Variants in PTBP3 observed in about 807,000 individuals in gnomAD.
PTBP3 encodes polypyrimidine tract binding protein 3.
In PTBP3, 20 loss-of-function variants were observed where a neutral mutation model predicts 58.7. The ratio of observed to expected loss-of-function variants is 0.34; its 90% confidence interval spans 0.24 to 0.50. The LOEUF (loss-of-function observed/expected upper bound fraction) is 0.50. PTBP3 is among the 20% of genes least tolerant of loss of function. The probability of loss-of-function intolerance (pLI) is 0.98; values close to 1 mark genes in which losing one functional copy is unlikely to be tolerated. For missense variants in PTBP3, 509 were observed against 637.2 expected (o/e 0.80, Z 2.17); for synonymous variants, 185 against 219.8 (o/e 0.84, Z 1.40).
At chr9:112,359,409 G>T in the PTBP3 span, among the ~76,000 whole-genome samples, 1 of 152,122 alleles carries the variant, frequency 6.6e-6, no homozygotes, top group Admixed American at 6.5e-5. Context: ...TCGCGCCACT[G>T]CACTCCAGCC....
the PTBP3 span, among the ~76,000 whole-genome samples, chr9:112,343,245 G>A: frequency 7.4e-5 from 11 of 148,014 alleles, no homozygotes; most frequent in Middle Eastern, 3.5e-3. Flanking sequence ...TTTCGCTCTC[G>A]TCACCCAGGC....
intron 1 of PTBP3, among the ~76,000 whole-genome samples, chr9:112,307,878 G>A (rs551250289): frequency 2.6e-5 from 4 of 152,246 alleles, no homozygotes; most frequent in South Asian, 2.1e-4. Flanking sequence ...GGCCACATGC[G>A]GCACAGGATG....
chr9:112,310,858 G>C (rs1829445446), intron 1 of PTBP3, among the ~76,000 whole-genome samples: 1 of 152,214 alleles, frequency 6.6e-6, no homozygotes, highest in South Asian at 2.1e-4. Context: ...GTTGTAGGTA[G>C]AGGAAACAAA....
intron 7 of PTBP3, among the ~76,000 whole-genome samples, chr9:112,246,272 C>T (rs187624082): frequency 2.0e-5 from 3 of 151,946 alleles, no homozygotes; most frequent in African/African-American, 4.8e-5. Context: ...TGTAAGCCAC[C>T]GCACCCAGCC....
the PTBP3 span, among the ~76,000 whole-genome samples, chr9:112,361,224 G>A: frequency 6.6e-6 from 1 of 152,080 alleles, no homozygotes; most frequent in Admixed American, 6.6e-5. Context: ...AGCCTCCCAA[G>A]TAGCTGGGAT....
the PTBP3 span, among the ~76,000 whole-genome samples, chr9:112,360,798 C>T: frequency 7.2e-5 from 11 of 151,852 alleles, 1 homozygote; most frequent in Non-Finnish European, 1.6e-4. Flanking sequence ...TTTAACAAGG[C>T]AGACAAGATT....
chr9:112,307,669 T>G (rs767206126), intron 1 of PTBP3, among the ~76,000 whole-genome samples: 1 of 152,208 alleles, frequency 6.6e-6, no homozygotes, highest in Admixed American at 6.5e-5. Context: ...AAAATAATTC[T>G]GATAACCACA....
intron 7 of PTBP3, among the ~76,000 whole-genome samples, chr9:112,248,778 T>TTAGAAAACTTCTTAGAG (rs1245217660): frequency 5.9e-5 from 9 of 152,228 alleles, no homozygotes; most frequent in Admixed American, 2.0e-4. Context: ...ATTCCTTTCC[T>TTAGAAAACTTCTTAGAG]ATGTACTTCT....
intron 4 of PTBP3, among the ~76,000 whole-genome samples, chr9:112,266,976 T>C (rs543796530): frequency 2.0e-5 from 3 of 152,298 alleles, no homozygotes; most frequent in East Asian, 1.9e-4. Context: ...GCCATTAATA[T>C]TGCCTAAAAT....
At chr9:112,363,436 A>G in the PTBP3 span, among the ~76,000 whole-genome samples, 1 of 149,818 alleles carries the variant, frequency 6.7e-6, no homozygotes, top group African/African-American at 2.4e-5. Flanking sequence ...GGCCGACTGC[A>G]TGAGCCCAGG....
chr9:112,323,794 C>T (rs1830044341), intron 1 of PTBP3, among the ~76,000 whole-genome samples: 1 of 152,106 alleles, frequency 6.6e-6, no homozygotes, highest in African/African-American at 2.4e-5. Flanking sequence ...ACAGAAGTAA[C>T]TGAAATATTT....
At chr9:112,250,836 G>C (rs958696188) in intron 7 of PTBP3, 93 bp downstream of exon 7, 59 of 1,200,290 alleles carry the variant, frequency 4.9e-5, no homozygotes, top group Non-Finnish European at 5.6e-5. Flanking sequence ...GAGAGAACTC[G>C]AGAAGAAAAA....
intron 1 of PTBP3, among the ~76,000 whole-genome samples, chr9:112,312,271 C>T (rs1829511256): frequency 6.6e-6 from 1 of 151,918 alleles, no homozygotes; most frequent in Admixed American, 6.6e-5. Context: ...TCACTTAAGG[C>T]CACGAGTTCG....
the PTBP3 span, among the ~76,000 whole-genome samples, chr9:112,367,883 G>A: frequency 6.6e-6 from 1 of 151,892 alleles, no homozygotes; most frequent in Admixed American, 6.6e-5. Context: ...TAAGTTTTCT[G>A]CCCCCTTCTC....
At chr9:112,312,249 AAG>A (rs1317764508) in intron 1 of PTBP3, among the ~76,000 whole-genome samples, 1 of 152,102 alleles carries the variant, frequency 6.6e-6, no homozygotes, top group African/African-American at 2.4e-5. Context: ...TGGGGAAGCT[AAG>A]GCAGGAGGAT....
chr9:112,251,020 A>G lies in PTBP3; in HGVS notation c.711T>C (p.Tyr237=), dbSNP rs761385910. The part of the protein sequence containing the change: ...FSKLTSLNVK[Y]NNDKSRDFTR... ...TGAAGTCTCTGCTTTTGTCATTATT[A>G]TATTTCACATTAAGGCTGGTGAGCT... The change falls in exon 7 of 14, where the codon TAT becomes TAC. Residue 237 remains tyrosine (Y), a synonymous_variant. Coordinates refer to ENST00000374257, the MANE Select transcript of PTBP3 (RefSeq NM_001163788.4). 6 of 1,612,280 alleles carry G rather than the reference A, an allele frequency of 3.7e-6. No individual in the cohort carries two copies. The Admixed American group carries it at 5.0e-5, about 13-fold the overall frequency.
rs377456213 is a variant in PTBP3 at position 112,249,711 on chromosome 9, T to G, written c.802+1218A>C. 2.1e-4 allele frequency among the ~76,000 whole-genome samples: 32 copies of G among 152,224 alleles called. No individual in the cohort carries two copies. The East Asian group carries it at 3.5e-3, about 16-fold the overall frequency. ...TTCTTAACATATTTTTAAAATGTCC[T>G]CCTCTCATAATACAGAACATTAATT... is the stretch of plus-strand genomic sequence containing the variant. On this transcript the variant is annotated intron_variant, in intron 7 of 13. Transcript: ENST00000374257.
At chr9:112,345,031 G>A in the PTBP3 span, among the ~76,000 whole-genome samples, 1 of 152,068 alleles carries the variant, frequency 6.6e-6, no homozygotes, top group Non-Finnish European at 1.5e-5. Context: ...TACTCGGGAG[G>A]CTGAGGCAGG....
At chr9:112,332,658 T>C in intron 1 of PTBP3, 8 of 1,169,932 alleles carry the variant, frequency 6.8e-6, no homozygotes, top group Non-Finnish European at 9.2e-6. Context: ...CCCATATCCC[T>C]GAGTCCCCAG....
Sources: gnomAD v4.1 joint callset for allele counts (sites outside exome capture counted in the v4.1 genomes callset) on GRCh38, gnomAD v4.1.1 for gene constraint, MANE v1.5 for transcripts, NCBI Gene and HGNC (gene_info 2026-07-23, HGNC 2026-07-21) for gene names.